The following TOGARAM1 variants were observed in gnomAD, a reference collection of about 807,000 sequenced individuals.
The protein encoded by TOGARAM1 is TOG array regulator of axonemal microtubules protein 1.
Under a neutral mutation model 166.6 loss-of-function variants are expected in TOGARAM1, and 100 were observed. The ratio of observed to expected loss-of-function variants is 0.60; its 90% CI spans 0.51 to 0.71. The LOEUF (loss-of-function observed/expected upper bound fraction) is 0.71, where lower values mean the gene tolerates loss of function less well. Among genes scored for constraint, TOGARAM1 ranks in the 30% least tolerant of loss-of-function variants. The pLI is 0.00. For synonymous variants in TOGARAM1, 758 were observed against 763.8 expected, an observed-to-expected ratio of 0.99 and a Z score of 0.13; for missense variants, 2,029 against 2,102.7, an observed-to-expected ratio of 0.96 and a Z score of 0.69.
intron 7 of TOGARAM1, 44 bp downstream of exon 7, chr14:45,012,119 T>C: frequency 7.9e-7 from 1 of 1,265,838 alleles, no homozygotes; most frequent in Non-Finnish European, 1.1e-6. Context: ...AAATATGATT[T>C]TCAAATGATG....
chr14:45,043,875 T>C (rs1881849224), intron 12 of TOGARAM1, 84 bp downstream of exon 12: 1 of 768,642 alleles, frequency 1.3e-6, no homozygotes, highest in Non-Finnish European at 2.2e-6. Flanking sequence ...TTAAAATTTT[T>C]AAACAACTCT....
chr14:45,003,263 C>T (rs141081381), intron 3 of TOGARAM1, among the ~76,000 whole-genome samples: 1 of 151,904 alleles, frequency 6.6e-6, no homozygotes, highest in African/African-American at 2.4e-5. Flanking sequence ...TATTAATATA[C>T]GTACGCTAGG....
At chr14:45,007,682 A>G (rs1264807822) in intron 5 of TOGARAM1, 1 of 152,090 alleles carries the variant, frequency 6.6e-6, no homozygotes, top group Non-Finnish European at 1.5e-5. Context: ...CCTATTTATT[A>G]TTTTGAATGG....
chr14:45,039,084 G>T (rs1027075197), intron 11 of TOGARAM1, among the ~76,000 whole-genome samples: 1 of 151,884 alleles, frequency 6.6e-6, no homozygotes, highest in Admixed American at 6.5e-5. Flanking sequence ...TCCACAGGCA[G>T]GTCGTTTTGG....
intron 1 of TOGARAM1, among the ~76,000 whole-genome samples, chr14:44,988,989 T>A (rs1886996236): frequency 6.6e-6 from 1 of 152,174 alleles, no homozygotes; most frequent in Admixed American, 6.5e-5. Context: ...AACATCCAGC[T>A]AAGCCACTTA....
chr14:44,967,853 A>G (rs1885643329), intron 1 of TOGARAM1, among the ~76,000 whole-genome samples: 1 of 152,196 alleles, frequency 6.6e-6, no homozygotes, highest in Non-Finnish European at 1.5e-5. Flanking sequence ...TTTTTTTGGA[A>G]ATAATTTTCA....
chr14:45,067,919 T>G (rs752413363), intron 17 of TOGARAM1, among the ~76,000 whole-genome samples: 19 of 152,284 alleles, frequency 1.2e-4, no homozygotes, highest in Non-Finnish European at 2.5e-4. Flanking sequence ...GTTAAAAGTT[T>G]TCAGGTTAAG....
Position 45,011,957 on chromosome 14 carries a change from T to TA in TOGARAM1, c.3138-17dup, listed in dbSNP as rs1566632454. On this transcript the variant is annotated splice_polypyrimidine_tract_variant and intron_variant, in intron 6 of 19. Transcript: ENST00000361462. ...ACTAAATCTTAATGTTTATTGAAAT[T>TA]ACTTTGTTTCATTGCAGGTCAGACA... The TA allele has an allele frequency of 3.2e-6, 5 of 1,551,914 alleles. No homozygotes were observed. The highest frequency in any genetic ancestry group is 4.4e-6 in the Non-Finnish European group (5 of 1,135,628).
rs749729265 is a variant in TOGARAM1 at position 45,004,380 on chromosome 14, C to G, written c.2644+14C>G. ...GTAGAAATCATGGTAAAAGTCAATA[C>G]TTTGTTCAAATTTATTTGTGTTTGA... On this transcript the variant is annotated intron_variant, in intron 4 of 19. Transcript: ENST00000361462. 2.7e-5 allele frequency: 43 copies of G among 1,604,224 alleles called. No homozygotes were observed. The highest frequency in any genetic ancestry group is 3.5e-5 in the Non-Finnish European group (41 of 1,175,490).
intron 14 of TOGARAM1, among the ~76,000 whole-genome samples, chr14:45,051,528 G>C (rs1472530387): frequency 6.7e-6 from 1 of 149,762 alleles, no homozygotes; most frequent in African/African-American, 2.5e-5. Context: ...TTTAAAGGGG[G>C]ATTATGGGAG....
rs1466804108 is a variant in TOGARAM1, at chr14:45,028,266, A to G, written c.3595A>G (p.Lys1199Glu). Reference protein sequence around the residue: ...KELFHNKDCEKKEKNSWERMR... With the variant: ...KELFHNKDCEEKEKNSWERMR... The stretch of plus-strand genomic sequence containing the variant: ...ACTGTTTCACAATAAAGATTGTGAA[A>G]AGAAGGAAAAAAATTCCTGGGAACG... The change falls in exon 10 of 20, where the codon AAG becomes GAG. Residue 1199 changes from lysine (K) to glutamate (E), a missense_variant. By Grantham distance (56) the Lys-to-Glu change is moderately conservative. Around this residue, in one of 2 missense-constraint regions of TOGARAM1, gnomAD observed 1,453 missense variants for 1,432.2 expected, o/e 1.01. Transcript: ENST00000361462. 6.2e-7 allele frequency: 1 copy of G among 1,606,488 alleles called. No individual in the cohort carries two copies. The highest frequency in any genetic ancestry group is 2.2e-5 in the East Asian group (1 of 44,714).
In TOGARAM1 at chr14:45,004,201, C is replaced by A. The variant is rs1372355837; in HGVS notation, c.2479C>A (p.Pro827Thr). The A allele has an allele frequency of 6.2e-7, 1 of 1,613,860 alleles. No individual in the cohort carries two copies. The highest frequency in any genetic ancestry group is 8.5e-7 in the Non-Finnish European group (1 of 1,179,974). Residue 827 changes from proline (P) to threonine (T), a missense_variant, in exon 4 of 20, where the codon CCA becomes ACA. Pro to Thr is a conservative substitution (Grantham distance 38). This residue lies in a region of TOGARAM1 where 1,453 missense variants were observed against 1,432.2 expected (regional missense o/e 1.01). Transcript: ENST00000361462. ...SYPVSSPRTS[P>T]KHTSPLIISP... ...TCCTGTCTCATCACCTCGAACTAGT[C>A]CAAAGCATACATCTCCTCTTATTAT... is the stretch of plus-strand genomic sequence containing the variant.
intron 10 of TOGARAM1, among the ~76,000 whole-genome samples, chr14:45,030,252 T>C (rs1385053823): frequency 1.3e-5 from 2 of 152,240 alleles, no homozygotes; most frequent in South Asian, 2.1e-4. Context: ...TAGTACTTTG[T>C]ATTGTTATAA....
At chr14:45,045,493 C>A (rs952293698) in intron 13 of TOGARAM1, among the ~76,000 whole-genome samples, 1 of 137,738 alleles carries the variant, frequency 7.3e-6, no homozygotes, top group African/African-American at 2.7e-5. Context: ...CTGCAAAAGA[C>A]ACTATTTAAT....
chr14:45,071,071 A>G (rs974813589), intron 18 of TOGARAM1, among the ~76,000 whole-genome samples: 2 of 150,762 alleles, frequency 1.3e-5, no homozygotes, highest in Non-Finnish European at 3.0e-5. Context: ...ACAGGCACGC[A>G]CCACCACGCC....
chr14:44,966,522 A>T (rs928032078), intron 1 of TOGARAM1, among the ~76,000 whole-genome samples: 2 of 152,146 alleles, frequency 1.3e-5, no homozygotes, highest in South Asian at 2.1e-4. Context: ...GAGTAATTTT[A>T]AAAAATTGTG....
At chr14:45,044,540 C>A (rs369941060) in intron 12 of TOGARAM1, 95 bp from the exon 13 acceptor site, 16 of 666,316 alleles carry the variant, frequency 2.4e-5, no homozygotes, top group African/African-American at 3.8e-5. Context: ...GACCCTAACT[C>A]AAAAAAAAAA....
At position 44,962,282 on chromosome 14, in the gene TOGARAM1, G is replaced by A; in HGVS notation, c.-140G>A. On this transcript the variant is annotated 5_prime_UTR_variant, in exon 1 of 20. Coordinates refer to ENST00000361462, the MANE Select transcript of TOGARAM1 (RefSeq NM_001308120.2). Reference sequence around the variant, plus strand: ...CAGAGGCTGCCTCCCGGAGTTGGGGGCGGCCTGGCGGCAGGCTGAAGCTGT... The same window carrying A: ...CAGAGGCTGCCTCCCGGAGTTGGGGACGGCCTGGCGGCAGGCTGAAGCTGT... 9.2e-7 allele frequency: 1 copy of A among 1,086,816 alleles called. No homozygotes were observed. The highest frequency in any genetic ancestry group is 1.2e-6 in the Non-Finnish European group (1 of 802,634). 67.3% of individuals were successfully genotyped at this position (1,086,816 alleles called of 1,614,324 possible). A position where few individuals can be genotyped will look rare whatever the true frequency, so the allele number is the denominator to read the frequency against.
At chr14:45,038,324 T>C (rs1019068022) in intron 11 of TOGARAM1, among the ~76,000 whole-genome samples, 18 of 152,380 alleles carry the variant, frequency 1.2e-4, no homozygotes, top group African/African-American at 3.8e-4. Context: ...ACTTGGGCTC[T>C]TTCCGCCCAC....
Sources: gnomAD v4.1 joint callset for allele counts (sites outside exome capture counted in the v4.1 genomes callset) on GRCh38, gnomAD v4.1.1 for gene constraint, gnomAD v4.1.1 regional missense constraint, MANE v1.5 for transcripts, NCBI Gene and HGNC (gene_info 2026-07-23, HGNC 2026-07-21) for gene names.